MYH10: variants seen among roughly 807,000 people sequenced by gnomAD.
MYH10 encodes myosin-10.
A neutral mutation model predicts 257.8 loss-of-function variants in MYH10; 55 were observed. The ratio of observed to expected loss-of-function variants is 0.21; its 90% CI spans 0.17 to 0.27. The LOEUF (loss-of-function observed/expected upper bound fraction) is 0.27, where lower values mean the gene tolerates loss of function less well. MYH10 is among the 10% of genes least tolerant of loss of function. The pLI is 1.00. For synonymous variants in MYH10, 854 were observed against 921.7 expected (o/e 0.93, Z 1.33); for missense variants, 1,631 against 2,500.6 (o/e 0.65, Z 7.42).
At chr17:8,551,998 A>G in intron 9 of MYH10, 48 bp downstream of exon 9, 1 of 1,080,392 alleles carries the variant, frequency 9.3e-7, no homozygotes, top group Non-Finnish European at 1.3e-6. Context: ...AAAAAATTAA[A>G]AGAGATATTC....
At chr17:8,493,629 A>T in intron 32 of MYH10, 104 bp downstream of exon 32, 2 of 1,329,706 alleles carry the variant, frequency 1.5e-6, no homozygotes, top group Non-Finnish European at 2.0e-6. Context: ...AGTACGACCT[A>T]ATTAACTGTC....
At chr17:8,574,163 G>A (rs773817902) in intron 6 of MYH10, among the ~76,000 whole-genome samples, 6 of 152,100 alleles carry the variant, frequency 3.9e-5, no homozygotes, top group Non-Finnish European at 5.9e-5. Context: ...TAAACAGAAC[G>A]TGACACATAT....
chr17:8,561,406 G>A (rs932574832), intron 7 of MYH10: 6 of 1,044,934 alleles, frequency 5.7e-6, no homozygotes, highest in Admixed American at 1.7e-5. Flanking sequence ...AAGTGTCTTC[G>A]ATGCCTATGT....
At chr17:8,560,634 CAG>C in intron 7 of MYH10, 1 of 885,486 alleles carries the variant, frequency 1.1e-6, no homozygotes, top group Non-Finnish European at 1.8e-6. Context: ...CCTGCTTTCA[CAG>C]AATTATTCCA....
intron 24 of MYH10, among the ~76,000 whole-genome samples, chr17:8,511,537 A>C (rs2081296915): frequency 6.6e-6 from 1 of 152,204 alleles, no homozygotes; most frequent in Non-Finnish European, 1.5e-5. Context: ...GAACAAAAAA[A>C]CAAAAACAAA....
intron 3 of MYH10, among the ~76,000 whole-genome samples, chr17:8,599,049 CTT>C (rs1192114553): frequency 6.6e-6 from 1 of 152,172 alleles, no homozygotes; most frequent in Non-Finnish European, 1.5e-5. Flanking sequence ...TTGATTTCCT[CTT>C]TTACCAAAAG....
chr17:8,573,860 A>G (rs2083422268), intron 6 of MYH10: 1 of 973,222 alleles, frequency 1.0e-6, no homozygotes, highest in African/African-American at 1.8e-5. Flanking sequence ...AAGACTGACC[A>G]CACCGCTCAC....
At chr17:8,581,806 T>C (rs768637325) in intron 4 of MYH10, among the ~76,000 whole-genome samples, 1 of 152,204 alleles carries the variant, frequency 6.6e-6, no homozygotes, top group Non-Finnish European at 1.5e-5. Context: ...ATGAGGTGAT[T>C]TGAATTACTA....
Position 8,535,967 on chromosome 17 carries a change from G to A in MYH10, c.1606-36C>T. ...CAGGCAATAAGAATTCACAAGTTTT[G>A]CATGCCACTTTAATACTACTGAGTC... On this transcript the variant is annotated intron_variant, in intron 14 of 42. Coordinates refer to ENST00000360416, the MANE Select transcript of MYH10 (RefSeq NM_001256012.3). This position sits in a 1 kb window ranked among gnomAD's most constrained non-coding sequence, Gnocchi z 4.3. 6.3e-7 allele frequency: 1 copy of A among 1,591,898 alleles called. No homozygotes were observed. The highest frequency in any genetic ancestry group is 8.6e-7 in the Non-Finnish European group (1 of 1,164,288).
intron 21 of MYH10, among the ~76,000 whole-genome samples, chr17:8,515,014 A>C (rs183116103): frequency 6.6e-6 from 1 of 152,186 alleles, no homozygotes; most frequent in Non-Finnish European, 1.5e-5. Flanking sequence ...GTCCACTCAC[A>C]CGGCTGCGCT....
chr17:8,493,684 C>G, intron 32 of MYH10, 49 bp downstream of exon 32: 1 of 1,568,204 alleles, frequency 6.4e-7, no homozygotes, highest in South Asian at 1.2e-5. Context: ...CCAGGATCTG[C>G]TGAAGGCACA....
At chr17:8,550,569 G>A (rs1451530611) in intron 9 of MYH10, among the ~76,000 whole-genome samples, 3 of 150,546 alleles carry the variant, frequency 2.0e-5, no homozygotes, top group East Asian at 2.0e-4. Context: ...GGTGAGGGGC[G>A]CCTCTGCCTG....
chr17:8,611,824 G>C (rs2085050663), intron 2 of MYH10, among the ~76,000 whole-genome samples: 1 of 152,182 alleles, frequency 6.6e-6, no homozygotes, highest in Non-Finnish European at 1.5e-5. Flanking sequence ...AAAAGAGAAT[G>C]AGGCAGAAGC....
intron 1 of MYH10, among the ~76,000 whole-genome samples, chr17:8,624,610 G>A (rs2085600572): frequency 6.6e-6 from 1 of 152,198 alleles, no homozygotes; most frequent in African/African-American, 2.4e-5. Flanking sequence ...AGGTTCTTGA[G>A]TCCATCAGCT....
At chr17:8,493,938 A>C in intron 31 of MYH10, 53 bp from the exon 32 acceptor site, 1 of 1,554,170 alleles carries the variant, frequency 6.4e-7, no homozygotes, top group East Asian at 2.2e-5. Flanking sequence ...CACCAAAACA[A>C]ATACACCTGT....
chr17:8,541,043 T>C (rs2082276327), intron 14 of MYH10, among the ~76,000 whole-genome samples: 1 of 152,244 alleles, frequency 6.6e-6, no homozygotes, highest in African/African-American at 2.4e-5. Flanking sequence ...GAAAATTTTC[T>C]ATTGCTTTCC....
intron 36 of MYH10, 68 bp from the exon 37 acceptor site, chr17:8,484,334 A>G (rs1914393510): frequency 2.7e-6 from 4 of 1,487,380 alleles, no homozygotes; most frequent in Middle Eastern, 1.9e-4. Context: ...AAATTTTTTT[A>G]GAGATGAGCC....
In MYH10 at chr17:8,599,255, C is replaced by A. The variant is rs190419984; in HGVS notation, c.502+5571G>T. 2.0e-5 allele frequency among the ~76,000 whole-genome samples: 3 copies of A among 152,328 alleles called. No homozygotes were observed. The East Asian group carries it at 5.8e-4, about 29-fold the overall frequency. The stretch of plus-strand genomic sequence containing the variant: ...GGCCTGCTATATGGAATAGACACCA[C>A]ATTTGTAAATGTGCTTTCTGCTTGC... On this transcript the variant is annotated intron_variant, in intron 3 of 42. Coordinates refer to ENST00000360416, the MANE Select transcript of MYH10 (RefSeq NM_001256012.3).
chr17:8,623,044 T>G lies in MYH10; in HGVS notation c.203A>C (p.Lys68Thr). Residue 68 changes from lysine (K) to threonine (T), a missense_variant, in exon 2 of 43, where the codon AAA (lysine) becomes ACA (threonine). Lys to Thr is a moderately conservative substitution (Grantham distance 78). Transcript: ENST00000360416. ...VMVELAENGK[K>T]AMVNKDDIQK... ...AATATCATCTTTGTTGACCATTGCT[T>G]TCTTTCCATTCTCTGCCAACTCCAC... 2 of 1,614,182 alleles carry G rather than the reference T, an allele frequency of 1.2e-6. No homozygotes were observed. The highest frequency in any genetic ancestry group is 1.7e-6 in the Non-Finnish European group (2 of 1,180,028).
Sources: allele counts gnomAD v4.1 joint callset (sites outside exome capture counted in the v4.1 genomes callset), GRCh38; gene constraint gnomAD v4.1.1; non-coding constraint Gnocchi (gnomAD v3.1); transcripts MANE v1.5; gene names NCBI Gene and HGNC (gene_info 2026-07-23, HGNC 2026-07-21).